CIBAR2: variants seen among roughly 807,000 people sequenced by gnomAD.
The protein encoded by CIBAR2 is CBY1-interacting BAR domain-containing protein 2.
A neutral mutation model predicts 36.2 loss-of-function variants in CIBAR2; 38 were observed. That is an observed-to-expected ratio of 1.05 (90% CI 0.81 to 1.38). The LOEUF (loss-of-function observed/expected upper bound fraction) is 1.38, where lower values mean the gene tolerates loss of function less well. Ranked by LOEUF, CIBAR2 falls within the 40% of genes most tolerant of loss-of-function variation. The pLI is 0.00. For synonymous variants in CIBAR2, 182 were observed against 149.5 expected (o/e 1.22, Z -1.58); for missense variants, 481 against 383.4 (o/e 1.25, Z -2.13).
At chr16:85,101,870 G>T (rs2073958274) in intron 7 of CIBAR2, among the ~76,000 whole-genome samples, 1 of 152,060 alleles carries the variant, frequency 6.6e-6, no homozygotes, top group Non-Finnish European at 1.5e-5. Flanking sequence ...ATTTCACCAT[G>T]TTGGCCAGGC....
Position 85,110,232 on chromosome 16 carries a change from C to T in CIBAR2, c.249G>A (p.Gln83=), listed in dbSNP as rs749046692. 9 of 1,561,108 alleles carry T rather than the reference C, an allele frequency of 5.8e-6. No homozygotes were observed. The highest frequency in any genetic ancestry group is 7.8e-6 in the Non-Finnish European group (9 of 1,149,402). The stretch of plus-strand genomic sequence containing the variant: ...CCGGGCCGGCAGCACTCACCTGGGC[C>T]TGCCGGTAATCCTGCACTTTGGCCA... ...EDLAKVQDYR[Q]AQVERLETKV... Residue 83 remains glutamine (Q), a synonymous_variant, in exon 2 of 9, where the codon CAG becomes CAA. Transcript: ENST00000539556.
At chr16:85,110,491 TG>T in intron 1 of CIBAR2, 31 bp from the exon 2 acceptor site, 1 of 1,513,194 alleles carries the variant, frequency 6.6e-7, no homozygotes. Flanking sequence ...GCAGCCATTC[TG>T]GGCAGAGATG....
intron 2 of CIBAR2, among the ~76,000 whole-genome samples, chr16:85,109,260 T>TA (rs1567562107): frequency 6.6e-6 from 1 of 151,990 alleles, no homozygotes; most frequent in African/African-American, 2.4e-5. Context: ...ATTTTTTTTT[T>TA]AATAAAATAA....
At chr16:85,111,126 C>A (rs566401012) in intron 1 of CIBAR2, among the ~76,000 whole-genome samples, 1 of 152,098 alleles carries the variant, frequency 6.6e-6, no homozygotes, top group Non-Finnish European at 1.5e-5. Context: ...GGCCTCCTCA[C>A]GCCCTCTCCT....
chr16:85,105,305 C>T (rs757460318), intron 6 of CIBAR2, 22 bp downstream of exon 6: 1 of 1,535,368 alleles, frequency 6.5e-7, no homozygotes, highest in Non-Finnish European at 9.0e-7. Context: ...GGGCGCCTCC[C>T]ATCCCGGCCA....
rs760784798 is a variant in CIBAR2 at position 85,110,388 on chromosome 16, C to T, written c.93G>A (p.Leu31=). The change falls in exon 2 of 9, where the codon CTG becomes CTA. Residue 31 remains leucine (L), a synonymous_variant. Transcript: ENST00000539556. ...CCGTCTTGCGCGTGTAGGCGGCCAG[C>T]AGCGAGCAGAACTGCCCAAAGTACT... ...TEKYFGQFCS[L]LAAYTRKTAR... The T allele has an allele frequency of 1.2e-6, 2 of 1,613,500 alleles. No individual in the cohort carries two copies. The highest frequency in any genetic ancestry group is 1.7e-5 in the Admixed American group (1 of 59,982).
At chr16:85,104,002 G>C (rs544354000) in intron 6 of CIBAR2, among the ~76,000 whole-genome samples, 39 of 152,370 alleles carry the variant, frequency 2.6e-4, no homozygotes, top group African/African-American at 9.4e-4. Context: ...CCCAGCATCA[G>C]GCACAGCACC....
chr16:85,099,534 G>A (rs753836433), intron 8 of CIBAR2, among the ~76,000 whole-genome samples, 188 bp from the exon 9 acceptor site: 1 of 152,112 alleles, frequency 6.6e-6, no homozygotes, highest in African/African-American at 2.4e-5. Flanking sequence ...ATACCTCAGA[G>A]TGCCTCCAGG....
Position 85,099,061 on chromosome 16 carries a change from A to G in CIBAR2, c.*124T>C. The G allele has an allele frequency of 8.7e-7, 1 of 1,150,276 alleles. No homozygotes were observed. Among genetic ancestry groups the G allele is most frequent in the South Asian group, 2.1e-5 (1 of 46,676 alleles). The allele number at this position is 1,150,276 out of a possible 1,614,324, so 71.3% of individuals were successfully genotyped here. ...GAAGAAGGAAATTCAGAGCTTGAAG[A>G]CAAGGTCTTTGAATTAACACAATCC... is the stretch of plus-strand genomic sequence containing the variant. On this transcript the variant is annotated 3_prime_UTR_variant, in exon 9 of 9. Coordinates refer to ENST00000539556, the MANE Select transcript of CIBAR2 (RefSeq NM_198491.3).
chr16:85,110,344 G>T lies in CIBAR2; in HGVS notation c.137C>A (p.Ala46Glu). The T allele has an allele frequency of 6.2e-7, 1 of 1,613,244 alleles. No individual in the cohort carries two copies. The highest frequency in any genetic ancestry group is 2.2e-5 in the East Asian group (1 of 44,846). ...TRKTARLRDKADQLVKQLIDF... is the reference protein window; with the variant it reads ...TRKTARLRDKEDQLVKQLIDF... ...GATGAGCTGCTTGACCAGCTGGTCC[G>T]CCTTGTCCCGCAGCCGGGCCGTCTT... The change falls in exon 2 of 9, where the codon GCG becomes GAG. Residue 46 changes from alanine (A) to glutamate (E), a missense_variant. Transcript: ENST00000539556.
chr16:85,107,519 T>C lies in CIBAR2; in HGVS notation c.432+148A>G. The C allele has an allele frequency of 8.5e-6, 7 of 822,176 alleles. No individual in the cohort carries two copies. The East Asian group carries it at 1.7e-4, about 20-fold the overall frequency. 50.9% of individuals were successfully genotyped at this position (822,176 alleles called of 1,614,324 possible). On this transcript the variant is annotated intron_variant, in intron 5 of 8. Coordinates refer to ENST00000539556, the MANE Select transcript of CIBAR2 (RefSeq NM_198491.3). ...GGTCTCCAGACCCCCAGAGCCCCTTTTTACTGGTACCTTTGGCTTTCCCAA... is the reference window on the plus strand; with the variant it reads ...GGTCTCCAGACCCCCAGAGCCCCTTCTTACTGGTACCTTTGGCTTTCCCAA...
chr16:85,107,804 C>G, intron 4 of CIBAR2, 42 bp downstream of exon 4: 2 of 1,582,088 alleles, frequency 1.3e-6, no homozygotes, highest in Non-Finnish European at 1.7e-6. Context: ...GAGTGGACAC[C>G]CTGGCCCGGC....
chr16:85,106,286 C>T (rs931150218), intron 5 of CIBAR2, among the ~76,000 whole-genome samples: 1 of 152,118 alleles, frequency 6.6e-6, no homozygotes, highest in South Asian at 2.1e-4. Flanking sequence ...GCATCCCTGG[C>T]CTCTTCCCAC....
At chr16:85,111,035 C>T (rs556962376) in intron 1 of CIBAR2, among the ~76,000 whole-genome samples, 1 of 152,184 alleles carries the variant, frequency 6.6e-6, no homozygotes, top group East Asian at 1.9e-4. Context: ...CCCAATCCGG[C>T]GCCCCCCTGC....
At chr16:85,100,979 G>A (rs545714218) in intron 7 of CIBAR2, among the ~76,000 whole-genome samples, 7 of 152,128 alleles carry the variant, frequency 4.6e-5, no homozygotes, top group East Asian at 1.9e-4. Flanking sequence ...CCTGGGAGGC[G>A]GAGTTGCAGT....
chr16:85,108,086 T>A lies in CIBAR2; in HGVS notation c.269A>T (p.Glu90Val), dbSNP rs562032530. The A allele has an allele frequency of 1.9e-6, 3 of 1,611,930 alleles. No individual in the cohort carries two copies. The South Asian group carries it at 3.3e-5, about 18-fold the overall frequency. ...DYRQAQVERL[E>V]TKVVNPLKLY... ...CTTCAGGGGGTTGACCACCTTGGTC[T>A]CCAGCCTCTCGACCTGGGGGAGCGG... The change falls in exon 3 of 9, where the codon GAG becomes GTG. Residue 90 changes from glutamate (E) to valine (V), a missense_variant. Physicochemically the swap from Glu to Val is moderately radical, Grantham distance 121. Transcript: ENST00000539556.
chr16:85,110,140 C>A, intron 2 of CIBAR2, 86 bp downstream of exon 2: 1 of 1,016,222 alleles, frequency 9.8e-7, no homozygotes, highest in South Asian at 1.6e-5. Flanking sequence ...GTGGCCACAG[C>A]AGGGCTCCTG....
chr16:85,099,623 C>CTT (rs534443322), intron 8 of CIBAR2, among the ~76,000 whole-genome samples: 5 of 140,584 alleles, frequency 3.6e-5, no homozygotes, highest in Non-Finnish European at 3.1e-5. Flanking sequence ...ATTGATTCTA[C>CTT]TTTTTTTTTT....
intron 7 of CIBAR2, among the ~76,000 whole-genome samples, chr16:85,101,014 C>T (rs2073951429): frequency 1.3e-5 from 2 of 151,966 alleles, no homozygotes; most frequent in South Asian, 4.2e-4. Flanking sequence ...CCACTGCACT[C>T]CAGCCTGGGC....
Sources: gnomAD v4.1 joint callset for allele counts (sites outside exome capture counted in the v4.1 genomes callset) on GRCh38, gnomAD v4.1.1 for gene constraint, MANE v1.5 for transcripts, NCBI Gene and HGNC (gene_info 2026-07-23, HGNC 2026-07-21) for gene names.